FSIP1: variants seen among roughly 807,000 people sequenced by gnomAD.
FSIP1 encodes fibrous sheath interacting protein 1, also known as fibrous sheath-interacting protein 1.
A neutral mutation model predicts 60.9 loss-of-function variants in FSIP1; 65 were observed. That is an observed-to-expected ratio of 1.07 (90% confidence interval 0.87 to 1.31). FSIP1 has a LOEUF of 1.31. FSIP1 is among the 40% of genes most tolerant of loss of function. The pLI is 0.00. For synonymous variants in FSIP1, 209 were observed against 221.2 expected, an observed-to-expected ratio of 0.94 and a Z score of 0.49; for missense variants, 675 against 665.5, an observed-to-expected ratio of 1.01 and a Z score of -0.16.
chr15:39,695,041 A>G (rs965793573), intron 10 of FSIP1, among the ~76,000 whole-genome samples: 2 of 152,176 alleles, frequency 1.3e-5, no homozygotes, highest in Non-Finnish European at 2.9e-5. Context: ...GAATCATAGA[A>G]CAATAGGGTT....
At position 39,770,463 on chromosome 15, in the gene FSIP1, C is replaced by A. The variant is rs372076676; in HGVS notation, c.274G>T (p.Asp92Tyr). The change falls in exon 3 of 12, where the codon GAT (aspartate) becomes TAT (tyrosine). Residue 92 changes from aspartate (D) to tyrosine (Y), a missense_variant. Coordinates refer to ENST00000350221, the MANE Select transcript of FSIP1 (RefSeq NM_152597.5). ...LAEEGSDEDL[D>Y]LVQHQIISEC... The stretch of plus-strand genomic sequence containing the variant: ...GAGATTATCTGATGTTGAACCAAAT[C>A]CAGATCTTCATCTGATCCCTCTTCA... 6.2e-7 allele frequency: 1 copy of A among 1,607,726 alleles called. No homozygotes were observed. The highest frequency in any genetic ancestry group is 1.1e-5 in the South Asian group (1 of 89,308).
chr15:39,628,314 C>G (rs562428588), intron 10 of FSIP1, among the ~76,000 whole-genome samples: 1 of 152,034 alleles, frequency 6.6e-6, no homozygotes, highest in Non-Finnish European at 1.5e-5. Flanking sequence ...GTTGGAGTGT[C>G]GAGATAAACA....
At chr15:39,762,939 G>C (rs1444737246) in intron 5 of FSIP1, among the ~76,000 whole-genome samples, 1 of 152,048 alleles carries the variant, frequency 6.6e-6, no homozygotes, top group Non-Finnish European at 1.5e-5. Context: ...ACAAATTAGT[G>C]GGGGAAAGGT....
intron 9 of FSIP1, among the ~76,000 whole-genome samples, chr15:39,715,539 T>C (rs774446759): frequency 2.6e-5 from 4 of 152,236 alleles, no homozygotes; most frequent in Admixed American, 6.5e-5. Context: ...AAATTCTTAT[T>C]GTATACAGTT....
intron 10 of FSIP1, among the ~76,000 whole-genome samples, chr15:39,636,951 A>G (rs1024709380): frequency 2.0e-5 from 3 of 152,228 alleles, no homozygotes; most frequent in African/African-American, 7.2e-5. Flanking sequence ...ACATGCAGCC[A>G]TCACACCAGC....
intron 10 of FSIP1, among the ~76,000 whole-genome samples, chr15:39,672,384 G>A (rs1386118629): frequency 6.6e-6 from 1 of 152,206 alleles, no homozygotes; most frequent in African/African-American, 2.4e-5. Flanking sequence ...CTTAGAAAGG[G>A]CTTGGCTGTG....
intron 1 of FSIP1, among the ~76,000 whole-genome samples, chr15:39,780,216 C>T (rs1898205944): frequency 6.6e-6 from 1 of 152,188 alleles, no homozygotes; most frequent in African/African-American, 2.4e-5. Context: ...TTGCAACTTG[C>T]TTTTTCACAA....
chr15:39,752,683 A>C (rs1355915716), intron 5 of FSIP1, among the ~76,000 whole-genome samples: 1 of 152,024 alleles, frequency 6.6e-6, no homozygotes, highest in Non-Finnish European at 1.5e-5. Context: ...GTCATAGCCA[A>C]GAGTAGACTG....
At chr15:39,645,568 T>C (rs59449051) in intron 10 of FSIP1, among the ~76,000 whole-genome samples, 33,839 of 151,798 alleles carry the variant, frequency 0.22, 5,223 homozygotes, top group African/African-American at 0.43. Context: ...ACGGCACTGG[T>C]GGCTGCAGAT....
chr15:39,766,344 G>A (rs955893016), intron 3 of FSIP1, among the ~76,000 whole-genome samples: 2 of 152,136 alleles, frequency 1.3e-5, no homozygotes, highest in African/African-American at 2.4e-5. Flanking sequence ...TGAAATTAAG[G>A]ACTCTTTAGA....
intron 10 of FSIP1, among the ~76,000 whole-genome samples, chr15:39,661,461 T>C (rs1430509048): frequency 6.6e-6 from 1 of 152,240 alleles, no homozygotes; most frequent in East Asian, 1.9e-4. Flanking sequence ...TTGGATCATT[T>C]TTTATACTAG....
intron 2 of FSIP1, among the ~76,000 whole-genome samples, chr15:39,774,020 C>A (rs2638009): frequency 0.58 from 88,101 of 152,086 alleles, 25,929 homozygotes; most frequent in African/African-American, 0.66. Context: ...TTGTATGTGA[C>A]TTTTTTTAAC....
chr15:39,692,464 T>C (rs1894640900), intron 10 of FSIP1, among the ~76,000 whole-genome samples: 1 of 152,090 alleles, frequency 6.6e-6, no homozygotes, highest in African/African-American at 2.4e-5. Flanking sequence ...CTGAAGAAAA[T>C]ACAGAGCACT....
At chr15:39,726,982 G>C (rs1157146721) in intron 8 of FSIP1, among the ~76,000 whole-genome samples, 2 of 152,126 alleles carry the variant, frequency 1.3e-5, no homozygotes, top group Non-Finnish European at 1.5e-5. Flanking sequence ...TTTTAAGGGG[G>C]GTTTCCCCTG....
At chr15:39,644,187 T>C (rs1892491194) in intron 10 of FSIP1, among the ~76,000 whole-genome samples, 1 of 152,010 alleles carries the variant, frequency 6.6e-6, no homozygotes, top group Non-Finnish European at 1.5e-5. Context: ...CAAACACACC[T>C]CCCTCCTGAA....
chr15:39,746,202 TAGAA>T (rs896890281), intron 5 of FSIP1, among the ~76,000 whole-genome samples: 2 of 151,942 alleles, frequency 1.3e-5, no homozygotes, highest in Middle Eastern at 3.2e-3. Flanking sequence ...ACACAAATGA[TAGAA>T]AGGGAAAGAG....
intron 10 of FSIP1, among the ~76,000 whole-genome samples, chr15:39,651,797 T>C (rs1034957350): frequency 2.6e-5 from 4 of 152,246 alleles, no homozygotes; most frequent in African/African-American, 7.2e-5. Flanking sequence ...ATACAAATTG[T>C]TAGATACAAG....
At chr15:39,612,778 A>G (rs1029181262) in intron 11 of FSIP1, among the ~76,000 whole-genome samples, 2 of 152,154 alleles carry the variant, frequency 1.3e-5, no homozygotes, top group Admixed American at 1.3e-4. Context: ...AGAAAACTCA[A>G]ATAAATCAAA....
At chr15:39,648,495 GT>G (rs1195989116) in intron 10 of FSIP1, among the ~76,000 whole-genome samples, 1 of 152,182 alleles carries the variant, frequency 6.6e-6, no homozygotes, top group African/African-American at 2.4e-5. Flanking sequence ...ATCTGCCGTG[GT>G]TGGGAACCAC....
Sources: allele counts gnomAD v4.1 joint callset (sites outside exome capture counted in the v4.1 genomes callset), GRCh38; gene constraint gnomAD v4.1.1; transcripts MANE v1.5; gene names NCBI Gene and HGNC (gene_info 2026-07-23, HGNC 2026-07-21).